Variants in RNGTT observed in about 807,000 individuals in gnomAD.
RNGTT encodes mRNA-capping enzyme.
Under a neutral mutation model 79.3 loss-of-function variants are expected in RNGTT, and 33 were observed. The observed-to-expected ratio is 0.42, with a 90% CI of 0.32 to 0.56. The LOEUF (loss-of-function observed/expected upper bound fraction) is 0.56, where lower values mean the gene tolerates loss of function less well. Among genes scored for constraint, RNGTT ranks in the 20% least tolerant of loss-of-function variants. The pLI, the probability that RNGTT is intolerant of heterozygous loss-of-function variation, is 0.17. For synonymous variants in RNGTT, 222 were observed against 235.9 expected, an observed-to-expected ratio of 0.94 and a Z score of 0.54; for missense variants, 497 against 739.1, an observed-to-expected ratio of 0.67 and a Z score of 3.80.
chr6:88,889,883 G>A (rs1455732218), intron 8 of RNGTT, among the ~76,000 whole-genome samples: 1 of 152,146 alleles, frequency 6.6e-6, no homozygotes, highest in African/African-American at 2.4e-5. Context: ...GGAGACTGAG[G>A]TGGGAGGATT....
intron 13 of RNGTT, among the ~76,000 whole-genome samples, chr6:88,758,342 C>T (rs145698164): frequency 1.6e-4 from 24 of 152,124 alleles, no homozygotes; most frequent in Admixed American, 7.2e-4. Flanking sequence ...CTCCAGTGCC[C>T]GGTACACAGA....
At chr6:88,620,347 A>G (rs975732487) in intron 14 of RNGTT, among the ~76,000 whole-genome samples, 1 of 152,242 alleles carries the variant, frequency 6.6e-6, no homozygotes, top group African/African-American at 2.4e-5. Context: ...ACTAAACTAC[A>G]TATTTCTACC....
Position 88,735,579 on chromosome 6 carries a change from A to G in RNGTT, c.1439+34195T>C, listed in dbSNP as rs188155695. On this transcript the variant is annotated intron_variant, in intron 13 of 15. Coordinates refer to ENST00000369485, the MANE Select transcript of RNGTT (RefSeq NM_003800.5). ...ATAACACGAGTGTTAAAAAAAAAAA[A>G]AAAGAAAGAAAGAAAAAGAAAAAGC... Among the ~76,000 whole-genome samples, 316 of 151,566 alleles carry G rather than the reference A, an allele frequency of 2.1e-3. 1 individual carries two copies. Among genetic ancestry groups the G allele is most frequent in the Admixed American group, 3.5e-3 (54 of 15,222 alleles).
chr6:88,664,190 G>C (rs1203578628), intron 14 of RNGTT, among the ~76,000 whole-genome samples: 1 of 152,150 alleles, frequency 6.6e-6, no homozygotes, highest in Non-Finnish European at 1.5e-5. Context: ...ACTCTTAGAA[G>C]GGTTGAGGAG....
At chr6:88,726,273 T>C (rs916639510) in intron 13 of RNGTT, among the ~76,000 whole-genome samples, 1 of 150,886 alleles carries the variant, frequency 6.6e-6, no homozygotes, top group Admixed American at 6.6e-5. Context: ...ACGGATGGCC[T>C]AAATGCATTC....
intron 13 of RNGTT, among the ~76,000 whole-genome samples, chr6:88,721,412 AT>A (rs1314785016): frequency 6.6e-6 from 1 of 151,640 alleles, no homozygotes; most frequent in African/African-American, 2.4e-5. Flanking sequence ...ACTAAATCTA[AT>A]TTTTTGTTTG....
intron 11 of RNGTT, among the ~76,000 whole-genome samples, chr6:88,807,366 T>C (rs776307373): frequency 1.3e-5 from 2 of 151,722 alleles, no homozygotes; most frequent in Non-Finnish European, 2.9e-5. Context: ...AATGAAACAA[T>C]TGAAAATGCA....
intron 13 of RNGTT, among the ~76,000 whole-genome samples, chr6:88,681,715 C>T (rs1317133158): frequency 2.0e-5 from 3 of 152,114 alleles, no homozygotes; most frequent in African/African-American, 7.2e-5. Flanking sequence ...CTAATAAACA[C>T]ATTTATATGT....
intron 14 of RNGTT, among the ~76,000 whole-genome samples, chr6:88,630,735 A>C (rs1258573600): frequency 6.6e-6 from 1 of 151,764 alleles, no homozygotes. Context: ...TTTAACTTTA[A>C]TCCGACATGA....
chr6:88,683,778 G>A (rs1054737764), intron 13 of RNGTT, among the ~76,000 whole-genome samples: 10 of 152,174 alleles, frequency 6.6e-5, no homozygotes, highest in African/African-American at 2.4e-4. Context: ...ACTCTGAGAG[G>A]ACAAGGTTGG....
At position 88,887,422 on chromosome 6, in the gene RNGTT, C is replaced by A. The variant is rs117517713; in HGVS notation, c.896+3073G>T. 4.3e-4 allele frequency among the ~76,000 whole-genome samples: 66 copies of A among 152,246 alleles called. No homozygotes were observed. The East Asian group carries it at 0.012, about 29-fold the overall frequency. On this transcript the variant is annotated intron_variant, in intron 8 of 15. Coordinates refer to ENST00000369485, the MANE Select transcript of RNGTT (RefSeq NM_003800.5). ...CACAGAAAGTCCCTCTTCCATGCTA[C>A]TGTACTTAAATCCTAGTGCGCAAAA...
intron 13 of RNGTT, among the ~76,000 whole-genome samples, chr6:88,741,191 G>A (rs1250082925): frequency 1.3e-5 from 2 of 152,050 alleles, no homozygotes; most frequent in African/African-American, 2.4e-5. Flanking sequence ...ACATGGAATC[G>A]ACATAGGTGC....
chr6:88,920,356 C>G (rs1784127552), intron 4 of RNGTT, among the ~76,000 whole-genome samples: 1 of 152,054 alleles, frequency 6.6e-6, no homozygotes, highest in African/African-American at 2.4e-5. Flanking sequence ...AATGTAAGTG[C>G]TATGTGAACA....
In RNGTT at chr6:88,844,513, G is replaced by T; in HGVS notation, c.1113C>A (p.Pro371=). 6.3e-7 allele frequency: 1 copy of T among 1,599,910 alleles called. No homozygotes were observed. Among genetic ancestry groups the T allele is most frequent in the Non-Finnish European group, 8.5e-7 (1 of 1,176,144 alleles). ...GAACATTAAAATCACAATCTCCAACGGGCTGTGACTGAATTAAATAAAGAA... is the reference window on the plus strand; with the variant it reads ...GAACATTAAAATCACAATCTCCAACTGGCTGTGACTGAATTAAATAAAGAA... ...IYDIIKFNSQ[P]VGDCDFNVRL... is the part of the protein sequence containing the mutation. Residue 371 remains proline, a synonymous_variant, in exon 11 of 16, where the codon CCC becomes CCA. Transcript: ENST00000369485.
intron 8 of RNGTT, among the ~76,000 whole-genome samples, chr6:88,869,008 T>C (rs1373233649): frequency 6.6e-6 from 1 of 152,214 alleles, no homozygotes; most frequent in African/African-American, 2.4e-5. Context: ...AGATCACCCA[T>C]TATTTTAAAT....
intron 4 of RNGTT, among the ~76,000 whole-genome samples, chr6:88,908,167 G>C (rs1050121262): frequency 6.6e-6 from 1 of 152,154 alleles, no homozygotes; most frequent in Non-Finnish European, 1.5e-5. Flanking sequence ...AAATACAGGA[G>C]TAAATCTTTG....
chr6:88,749,325 C>T (rs1777767370), intron 13 of RNGTT, among the ~76,000 whole-genome samples: 1 of 151,860 alleles, frequency 6.6e-6, no homozygotes, highest in Non-Finnish European at 1.5e-5. Flanking sequence ...AGAAGAAATA[C>T]AAACGTAACT....
At position 88,615,484 on chromosome 6, in the gene RNGTT, G is replaced by C. The variant is rs544897948; in HGVS notation, c.1507-1089C>G. Among the ~76,000 whole-genome samples the C allele has an allele frequency of 3.3e-5, 5 of 152,236 alleles. No homozygotes were observed. The East Asian group carries it at 9.6e-4, about 29-fold the overall frequency. ...CAGGTGCAATACACTCAGTGGTTTT[G>C]GAACTAGACATGCCCAAAAAAGTGA... On this transcript the variant is annotated intron_variant, in intron 14 of 15. Coordinates refer to ENST00000369485, the MANE Select transcript of RNGTT (RefSeq NM_003800.5).
chr6:88,739,730 TATATATATATATATATA>T (rs1777410167), intron 13 of RNGTT, among the ~76,000 whole-genome samples: 1 of 12,522 alleles, frequency 8.0e-5, no homozygotes, highest in African/African-American at 2.5e-4. Context: ...AAAAATTATA[TATATATATATATATATA>T]TATATATATA....
Sources: allele counts gnomAD v4.1 joint callset (sites outside exome capture counted in the v4.1 genomes callset), GRCh38; gene constraint gnomAD v4.1.1; transcripts MANE v1.5; gene names NCBI Gene and HGNC (gene_info 2026-07-23, HGNC 2026-07-21).